Variants in PRDM14 observed in about 807,000 individuals in gnomAD.
The protein encoded by PRDM14 is PR domain zinc finger protein 14.
In PRDM14, 16 loss-of-function variants were observed where a neutral mutation model predicts 48.0. That is an observed-to-expected ratio of 0.33 (90% confidence interval 0.23 to 0.51). The LOEUF (loss-of-function observed/expected upper bound fraction) is 0.51. Among genes scored for constraint, PRDM14 ranks in the 20% least tolerant of loss-of-function variants. The pLI, the probability that PRDM14 is intolerant of heterozygous loss-of-function variation, is 0.97. For missense variants in PRDM14, 566 were observed against 719.6 expected, an observed-to-expected ratio of 0.79 and a Z score of 2.44; for synonymous variants, 264 against 276.6, an observed-to-expected ratio of 0.95 and a Z score of 0.45.
At chr8:70,070,459 C>G (rs1205906159) in intron 1 of PRDM14, among the ~76,000 whole-genome samples, 1 of 152,186 alleles carries the variant, frequency 6.6e-6, no homozygotes, top group Non-Finnish European at 1.5e-5. Flanking sequence ...GACGCGCTCC[C>G]AGAGCCCCCG....
chr8:70,051,770 T>TTTTGTTTTGTGTTG lies in PRDM14; in HGVS notation c.*306_*307insCAACACAAAACAAA. The stretch of plus-strand genomic sequence containing the variant: ...CCACACTCTTGAGGGCTACTCATTT[T>TTTTGTTTTGTGTTG]TTTTGTTTTGTTTTGTTTTGAGACA... On this transcript the variant is annotated 3_prime_UTR_variant, in exon 8 of 8. Transcript: ENST00000276594. 1 of 247,398 alleles carries TTTTGTTTTGTGTTG rather than the reference T, an allele frequency of 4.0e-6. No individual in the cohort carries two copies. Among genetic ancestry groups the TTTTGTTTTGTGTTG allele is most frequent in the Non-Finnish European group, 7.8e-6 (1 of 127,638 alleles). The allele number at this position is 247,398 out of a possible 1,614,324, so 15.3% of individuals were successfully genotyped here.
intron 6 of PRDM14, among the ~76,000 whole-genome samples, chr8:70,056,646 CTACAAAAAA>C (rs1585648017): frequency 1.3e-5 from 2 of 151,382 alleles, no homozygotes; most frequent in Admixed American, 6.6e-5. Flanking sequence ...ATGCCCATCT[CTACAAAAAA>C]TACAAAAAAT....
intron 2 of PRDM14, 76 bp downstream of exon 2, chr8:70,069,085 G>C (rs1214279549): frequency 6.8e-6 from 8 of 1,172,900 alleles, no homozygotes; most frequent in African/African-American, 1.6e-5. Flanking sequence ...ACCTGGAAGC[G>C]CCTCTTCCCG....
At position 70,060,077 on chromosome 8, in the gene PRDM14, C is replaced by T. The variant is rs1030580269; in HGVS notation, c.1184-1235G>A. On this transcript the variant is annotated intron_variant, in intron 5 of 7. Coordinates refer to ENST00000276594, the MANE Select transcript of PRDM14 (RefSeq NM_024504.4). ...CACTGCACTCCAGCCTGGGCAACAA[C>T]AGCAAAACTCCATCTCAAAAAAAAA... Among the ~76,000 whole-genome samples, 6 of 118,436 alleles carry T rather than the reference C, an allele frequency of 5.1e-5. No individual in the cohort carries two copies. The East Asian group carries it at 1.2e-3, about 24-fold the overall frequency. The allele number at this position is 118,436 out of a possible 152,430, so 77.7% of individuals were successfully genotyped here.
Position 70,054,795 on chromosome 8 carries a change from G to A in PRDM14, c.1488+505C>T, listed in dbSNP as rs187227120. On this transcript the variant is annotated intron_variant, in intron 7 of 7. Transcript: ENST00000276594. ...CAGCCTCCCAAAGTGCTGGGATTAC[G>A]GGCTTGAGCCACCACGCCTCCCCAC... Among the ~76,000 whole-genome samples, 343 of 151,088 alleles carry A rather than the reference G, an allele frequency of 2.3e-3. 1 individual carries two copies. The highest frequency in any genetic ancestry group is 3.2e-3 in the Non-Finnish European group (215 of 67,788).
At position 70,069,254 on chromosome 8, in the gene PRDM14, G is replaced by A. The variant is rs763669058; in HGVS notation, c.607C>T (p.His203Tyr). Residue 203 changes from histidine to tyrosine, a missense_variant, in exon 2 of 8, where the codon CAC (histidine) becomes TAC (tyrosine). By Grantham distance (83) the His-to-Tyr change is moderately conservative (BLOSUM62 2). Around this residue, in one of 3 missense-constraint regions of PRDM14, gnomAD observed 410 missense variants for 424.6 expected, o/e 0.97. Transcript: ENST00000276594. ...ARFQFTEEDL[H>Y]FVLYGVTPSL... ...GGAGTGACCCCGTACAGAACGAAGT[G>A]CAGGTCCTCCTCCGTGAACTGGAAC... 1 of 1,607,564 alleles carries A rather than the reference G, an allele frequency of 6.2e-7. No individual in the cohort carries two copies. Among genetic ancestry groups the A allele is most frequent in the South Asian group, 1.1e-5 (1 of 89,606 alleles).
chr8:70,058,574 C>T (rs7016464), intron 6 of PRDM14, 66 bp downstream of exon 6: 153 of 1,431,398 alleles, frequency 1.1e-4, no homozygotes, highest in Non-Finnish European at 1.4e-4. Context: ...GGCAACTCCC[C>T]GTGTTCAGGA....
chr8:70,062,359 C>CAGA (rs1805598651), intron 5 of PRDM14, among the ~76,000 whole-genome samples: 1 of 152,094 alleles, frequency 6.6e-6, no homozygotes, highest in South Asian at 2.1e-4. Flanking sequence ...TGCTTGGGAC[C>CAGA]AGAAGTGTTT....
At chr8:70,065,590 C>T (rs1224064079) in intron 5 of PRDM14, among the ~76,000 whole-genome samples, 3 of 152,006 alleles carry the variant, frequency 2.0e-5, no homozygotes, top group Non-Finnish European at 4.4e-5. Flanking sequence ...TATTCATTCC[C>T]ACATTAAAGT....
At chr8:70,056,217 G>T (rs1024590434) in intron 6 of PRDM14, among the ~76,000 whole-genome samples, 2 of 152,184 alleles carry the variant, frequency 1.3e-5, no homozygotes, top group Non-Finnish European at 2.9e-5. Context: ...AATTAATATT[G>T]TTTCTTGACC....
intron 4 of PRDM14, 72 bp from the exon 5 acceptor site, chr8:70,066,577 T>C (rs1173550942): frequency 8.2e-7 from 1 of 1,223,850 alleles, no homozygotes; most frequent in Non-Finnish European, 1.2e-6. Context: ...AATTTTTTAA[T>C]ACTTGTAACC....
intron 7 of PRDM14, 139 bp from the exon 8 acceptor site, chr8:70,052,443 G>A: frequency 1.6e-6 from 1 of 615,360 alleles, no homozygotes; most frequent in Non-Finnish European, 2.9e-6. Flanking sequence ...AGCACTCCTG[G>A]TCATCATCAG....
intron 5 of PRDM14, among the ~76,000 whole-genome samples, chr8:70,060,265 T>A (rs1391340604): frequency 2.0e-5 from 3 of 151,620 alleles, no homozygotes; most frequent in Non-Finnish European, 4.4e-5. Flanking sequence ...TATCTGGGCA[T>A]GATAGCACAC....
At chr8:70,070,922 G>T (rs1319408065) in intron 1 of PRDM14, among the ~76,000 whole-genome samples, 1 of 152,194 alleles carries the variant, frequency 6.6e-6, no homozygotes, top group African/African-American at 2.4e-5. Flanking sequence ...GGGGTCAGGA[G>T]AAGAGGTCAG....
chr8:70,052,029 C>T lies in PRDM14; in HGVS notation c.*48G>A. 1 of 1,352,964 alleles carries T rather than the reference C, an allele frequency of 7.4e-7. No individual in the cohort carries two copies. Among genetic ancestry groups the T allele is most frequent in the South Asian group, 1.3e-5 (1 of 76,392 alleles). 83.8% of individuals were successfully genotyped at this position (1,352,964 alleles called of 1,614,324 possible). A position where few individuals can be genotyped will look rare whatever the true frequency, so the allele number is the denominator to read the frequency against. ...ACTTGAGTGATCCACCCACCTCTGC[C>T]TCCCAAAGTGCTGGGATTACAGGCG... On this transcript the variant is annotated 3_prime_UTR_variant, in exon 8 of 8. Transcript: ENST00000276594.
intron 5 of PRDM14, among the ~76,000 whole-genome samples, 188 bp from the exon 6 acceptor site, chr8:70,059,030 C>T (rs929079634): frequency 6.6e-6 from 1 of 152,230 alleles, no homozygotes; most frequent in African/African-American, 2.4e-5. Context: ...TCTTGGCTCA[C>T]TGCAACCTCT....
chr8:70,063,449 T>C (rs2131040000), intron 5 of PRDM14, among the ~76,000 whole-genome samples: 1 of 152,070 alleles, frequency 6.6e-6, no homozygotes, highest in African/African-American at 2.4e-5. Context: ...ATAATAATGA[T>C]TTCTCAAAAG....
At chr8:70,052,550 C>T (rs1342905369) in intron 7 of PRDM14, among the ~76,000 whole-genome samples, 1 of 152,032 alleles carries the variant, frequency 6.6e-6, no homozygotes, top group East Asian at 1.9e-4. Flanking sequence ...GCTAGATTAT[C>T]TGGAGGTCCA....
intron 2 of PRDM14, 78 bp downstream of exon 2, chr8:70,069,083 G>A: frequency 8.7e-7 from 1 of 1,153,262 alleles, no homozygotes; most frequent in African/African-American, 1.6e-5. Context: ...CCACCTGGAA[G>A]CGCCTCTTCC....
Sources: allele counts gnomAD v4.1 joint callset (sites outside exome capture counted in the v4.1 genomes callset), GRCh38; gene constraint gnomAD v4.1.1; regional missense constraint gnomAD v4.1.1; transcripts MANE v1.5; gene names NCBI Gene and HGNC (gene_info 2026-07-23, HGNC 2026-07-21).